CADM2: variants seen among roughly 807,000 people sequenced by gnomAD.
CADM2 encodes the protein cell adhesion molecule 2.
CADM2 carries 12 observed loss-of-function variants against 49.8 expected under a neutral mutation model. The observed-to-expected ratio is 0.24, with a 90% CI of 0.15 to 0.39. The LOEUF is 0.39. Ranked by LOEUF, CADM2 falls within the 10% of genes least tolerant of loss-of-function variation. The pLI is 1.00. For synonymous variants in CADM2, 214 were observed against 175.4 expected, an observed-to-expected ratio of 1.22 and a Z score of -1.74; for missense variants, 378 against 492.3, an observed-to-expected ratio of 0.77 and a Z score of 2.20.
chr3:85,690,040 A>G (rs566157734), intron 1 of CADM2, among the ~76,000 whole-genome samples: 52 of 152,210 alleles, frequency 3.4e-4, no homozygotes, highest in Non-Finnish European at 6.3e-4. Flanking sequence ...TCAATGCAGA[A>G]TGATACAAGG....
chr3:85,077,450 T>C lies in CADM2; in HGVS notation c.61+117782T>C, dbSNP rs193173010. 2.1e-3 allele frequency among the ~76,000 whole-genome samples: 320 copies of C among 152,252 alleles called. 2 individuals carry two copies. The highest frequency in any genetic ancestry group is 7.0e-3 in the African/African-American group (293 of 41,570). On this transcript the variant is annotated intron_variant, in intron 1 of 9. Coordinates refer to ENST00000383699, the MANE Select transcript of CADM2 (RefSeq NM_001167675.2). ...CTACCATAACTGTTATGTTGAGATA[T>C]TAAGTTGCTTGGTGTTTGTAATTTT...
At chr3:85,238,585 A>AGTTT (rs1222931999) in intron 1 of CADM2, among the ~76,000 whole-genome samples, 3 of 151,808 alleles carry the variant, frequency 2.0e-5, no homozygotes, top group Admixed American at 1.3e-4. Context: ...TAGCCAGATC[A>AGTTT]ACAGCTTAGA....
At chr3:85,819,769 G>T (rs563968519) in intron 3 of CADM2, among the ~76,000 whole-genome samples, 21 of 152,158 alleles carry the variant, frequency 1.4e-4, no homozygotes, top group African/African-American at 4.6e-4. Context: ...TTATTAAACT[G>T]CTTTTTGCAG....
intron 1 of CADM2, among the ~76,000 whole-genome samples, chr3:85,413,138 C>CA (rs397973777): frequency 0.089 from 1,514 of 17,096 alleles, 217 homozygotes; most frequent in African/African-American, 0.1. Flanking sequence ...GACTCCGTCT[C>CA]AAAAAAAAAA....
At chr3:85,291,376 C>G (rs1033432142) in intron 1 of CADM2, among the ~76,000 whole-genome samples, 4 of 151,242 alleles carry the variant, frequency 2.6e-5, no homozygotes, top group Non-Finnish European at 5.9e-5. Context: ...AGGATATTAT[C>G]CATGAGAACT....
At chr3:86,058,564 C>T (rs1452226502) in intron 8 of CADM2, among the ~76,000 whole-genome samples, 1 of 152,028 alleles carries the variant, frequency 6.6e-6, no homozygotes, top group African/African-American at 2.4e-5. Flanking sequence ...TAAGCAGTGT[C>T]TTCCACTTGA....
chr3:85,537,191 TTTAAC>T (rs1473983403), intron 1 of CADM2, among the ~76,000 whole-genome samples: 1 of 152,142 alleles, frequency 6.6e-6, no homozygotes, highest in African/African-American at 2.4e-5. Context: ...AAGCATGTGT[TTTAAC>T]TTAAGCAGAA....
chr3:85,763,320 T>G (rs1186767991), intron 2 of CADM2, among the ~76,000 whole-genome samples: 1 of 152,192 alleles, frequency 6.6e-6, no homozygotes, highest in Non-Finnish European at 1.5e-5. Flanking sequence ...TAAGATTGTG[T>G]TGCATTCTCC....
At chr3:85,158,774 T>A (rs2040222437) in intron 1 of CADM2, among the ~76,000 whole-genome samples, 1 of 152,026 alleles carries the variant, frequency 6.6e-6, no homozygotes, top group African/African-American at 2.4e-5. Context: ...CACACCAGCA[T>A]GGCAGATGTA....
intron 1 of CADM2, among the ~76,000 whole-genome samples, chr3:85,131,571 TG>T (rs1169093677): frequency 1.3e-5 from 2 of 152,154 alleles, no homozygotes; most frequent in African/African-American, 2.4e-5. Context: ...GAAAAGGAAA[TG>T]GAATGGATAC....
chr3:85,318,693 GC>G (rs2044529496), intron 1 of CADM2, among the ~76,000 whole-genome samples: 1 of 152,052 alleles, frequency 6.6e-6, no homozygotes, highest in Admixed American at 6.6e-5. Flanking sequence ...AAATACACTT[GC>G]TTTATTAGAA....
rs182578545 is a variant in CADM2, at chr3:85,217,506, T to A, written c.61+257838T>A. On this transcript the variant is annotated intron_variant, in intron 1 of 9. Transcript: ENST00000383699. ...TAATTTGTAATTGAAAGCGGAGTTGTTTTTGAAATTATTAATACCAATTCA... is the reference window on the plus strand; with the variant it reads ...TAATTTGTAATTGAAAGCGGAGTTGATTTTGAAATTATTAATACCAATTCA... Among the ~76,000 whole-genome samples, 43 of 152,188 alleles carry A rather than the reference T, an allele frequency of 2.8e-4. No homozygotes were observed. The East Asian group carries it at 4.2e-3, about 15-fold the overall frequency.
intron 1 of CADM2, among the ~76,000 whole-genome samples, chr3:85,643,674 C>CT (rs1244915849): frequency 1.3e-5 from 2 of 152,064 alleles, no homozygotes; most frequent in South Asian, 2.1e-4. Flanking sequence ...CCTGACAATA[C>CT]TTTTTTTGGC....
chr3:85,672,299 T>A (rs2065765321), intron 1 of CADM2, among the ~76,000 whole-genome samples: 1 of 151,326 alleles, frequency 6.6e-6, no homozygotes, highest in Non-Finnish European at 1.5e-5. Context: ...TTCACGCCAT[T>A]CTCCTGCCTC....
At chr3:85,207,418 T>G (rs2041673000) in intron 1 of CADM2, among the ~76,000 whole-genome samples, 1 of 152,180 alleles carries the variant, frequency 6.6e-6, no homozygotes, top group Admixed American at 6.5e-5. Flanking sequence ...ACACTTCATT[T>G]AAGTAAAACG....
chr3:86,061,994 G>A (rs571784921), intron 8 of CADM2, among the ~76,000 whole-genome samples: 280 of 150,016 alleles, frequency 1.9e-3, no homozygotes, highest in African/African-American at 6.0e-3. Flanking sequence ...GGTGGGGGGG[G>A]GGTTGAATTT....
At chr3:85,369,479 A>G (rs2033038467) in intron 1 of CADM2, among the ~76,000 whole-genome samples, 2 of 152,098 alleles carry the variant, frequency 1.3e-5, no homozygotes. Context: ...CTGAAAATAC[A>G]AAATTTCGGC....
At chr3:84,990,821 T>C (rs1000747933) in intron 1 of CADM2, among the ~76,000 whole-genome samples, 106 of 152,222 alleles carry the variant, frequency 7.0e-4, no homozygotes, top group African/African-American at 2.4e-3. Context: ...CACATAAGCT[T>C]ATTAATTCTT....
At chr3:85,005,407 C>T (rs930142138) in intron 1 of CADM2, among the ~76,000 whole-genome samples, 1 of 152,164 alleles carries the variant, frequency 6.6e-6, no homozygotes, top group Non-Finnish European at 1.5e-5. Context: ...ATCAGCTTCA[C>T]TACATTCAGT....
Sources: gnomAD v4.1 joint callset for allele counts (sites outside exome capture counted in the v4.1 genomes callset) on GRCh38, gnomAD v4.1.1 for gene constraint, MANE v1.5 for transcripts, NCBI Gene and HGNC (gene_info 2026-07-23, HGNC 2026-07-21) for gene names.